Variants in CERS3 observed in about 807,000 individuals in gnomAD.
The protein encoded by CERS3 is LAG1 homolog, ceramide synthase 3.
A neutral mutation model predicts 50.3 loss-of-function variants in CERS3; 33 were observed. That is an observed-to-expected ratio of 0.66 (90% CI 0.50 to 0.88). The LOEUF (loss-of-function observed/expected upper bound fraction) is 0.88. CERS3 is among the 40% of genes least tolerant of loss of function. The pLI, the probability that CERS3 is intolerant of heterozygous loss-of-function variation, is 0.00. For missense variants in CERS3, 470 were observed against 460.3 expected (o/e 1.02, Z -0.19); for synonymous variants, 176 against 155.2 (o/e 1.13, Z -0.99).
intron 3 of CERS3, among the ~76,000 whole-genome samples, chr15:100,491,693 G>T (rs552189144): frequency 6.6e-6 from 1 of 152,040 alleles, no homozygotes; most frequent in African/African-American, 2.4e-5. Context: ...AAATATAGGT[G>T]TTTGCAGCTG....
chr15:100,512,571 A>C (rs2036376382), intron 2 of CERS3, among the ~76,000 whole-genome samples: 2 of 152,080 alleles, frequency 1.3e-5, no homozygotes, highest in African/African-American at 2.4e-5. Context: ...GCCTGTGGGG[A>C]GCCTCTTCCT....
chr15:100,526,060 C>T (rs2142398454), intron 1 of CERS3, among the ~76,000 whole-genome samples: 1 of 152,342 alleles, frequency 6.6e-6, no homozygotes, highest in African/African-American at 2.4e-5. Context: ...CTGTGTTCCC[C>T]TCTGCTATCT....
At chr15:100,491,122 TA>T (rs138738369) in intron 3 of CERS3, among the ~76,000 whole-genome samples, 191 bp from the exon 4 acceptor site, 13 of 147,968 alleles carry the variant, frequency 8.8e-5, no homozygotes, top group East Asian at 5.9e-4. Context: ...AAGCAATGAT[TA>T]AAAAAAAAAC....
At chr15:100,405,233 T>TTA (rs1404050543) in intron 11 of CERS3, among the ~76,000 whole-genome samples, 2 of 34,940 alleles carry the variant, frequency 5.7e-5, no homozygotes, top group Admixed American at 2.4e-4. Flanking sequence ...AACTCAATGG[T>TTA]AAAAAAAAAA....
At chr15:100,532,358 G>A (rs1333022480), upstream of CERS3, among the ~76,000 whole-genome samples, 4 of 152,158 alleles carry the variant, frequency 2.6e-5, no homozygotes, top group East Asian at 1.9e-4. Flanking sequence ...TAACCTAACC[G>A]GCAAAATTTT....
At chr15:100,403,409 C>G (rs1308194644) in intron 11 of CERS3, among the ~76,000 whole-genome samples, 1 of 151,616 alleles carries the variant, frequency 6.6e-6, no homozygotes, top group African/African-American at 2.4e-5. Context: ...ATAATTAGGA[C>G]AAAACAATTA....
intron 11 of CERS3, among the ~76,000 whole-genome samples, chr15:100,448,007 C>G (rs960937002): frequency 6.6e-6 from 1 of 152,142 alleles, no homozygotes; most frequent in Non-Finnish European, 1.5e-5. Context: ...AGAAACAAAG[C>G]ATAGTAAAAT....
chr15:100,488,183 C>T (rs1472694776), intron 4 of CERS3, among the ~76,000 whole-genome samples: 2 of 152,134 alleles, frequency 1.3e-5, no homozygotes, highest in East Asian at 3.9e-4. Flanking sequence ...GTATTTTAGG[C>T]CTCATCAATA....
chr15:100,507,187 A>G (rs1340841707), intron 2 of CERS3, among the ~76,000 whole-genome samples: 4 of 152,206 alleles, frequency 2.6e-5, no homozygotes, highest in African/African-American at 9.6e-5. Flanking sequence ...ATGACTTTAA[A>G]TTTTATGACT....
intron 2 of CERS3, among the ~76,000 whole-genome samples, chr15:100,517,196 G>C (rs2036514435): frequency 6.6e-6 from 1 of 152,220 alleles, no homozygotes; most frequent in Non-Finnish European, 1.5e-5. Flanking sequence ...TCTAGATCAG[G>C]ATTAAATAAA....
chr15:100,484,515 G>A (rs1165802034), intron 5 of CERS3, 35 bp downstream of exon 5: 12 of 1,395,874 alleles, frequency 8.6e-6, no homozygotes, highest in African/African-American at 1.4e-5. Flanking sequence ...CAGATAGGAC[G>A]GCAGCATTCC....
chr15:100,514,181 A>G (rs538704824), intron 2 of CERS3, among the ~76,000 whole-genome samples: 4 of 152,352 alleles, frequency 2.6e-5, no homozygotes, highest in African/African-American at 9.6e-5. Flanking sequence ...TAGAATGAGT[A>G]AGTGGGTAAA....
chr15:100,497,276 G>C (rs553187918), intron 3 of CERS3, among the ~76,000 whole-genome samples: 4 of 151,910 alleles, frequency 2.6e-5, no homozygotes, highest in Admixed American at 2.6e-4. Flanking sequence ...GAGACAGAGA[G>C]ACACACACAG....
intron 11 of CERS3, among the ~76,000 whole-genome samples, chr15:100,430,466 A>G (rs986286660): frequency 2.0e-5 from 3 of 152,228 alleles, no homozygotes; most frequent in Admixed American, 1.3e-4. Flanking sequence ...TCTGGGAATG[A>G]CATCTGTACT....
chr15:100,488,150 T>G (rs1160996022), intron 4 of CERS3, among the ~76,000 whole-genome samples: 1 of 152,146 alleles, frequency 6.6e-6, no homozygotes, highest in Admixed American at 6.5e-5. Flanking sequence ...AGACCAAAAC[T>G]CTCACTGAGG....
intron 11 of CERS3, among the ~76,000 whole-genome samples, chr15:100,424,391 T>C (rs896445095): frequency 1.3e-5 from 2 of 152,150 alleles, no homozygotes; most frequent in Admixed American, 1.3e-4. Flanking sequence ...GCTCAGAAGA[T>C]GACAGGAAAG....
Position 100,433,175 on chromosome 15 carries a change from G to T in CERS3, c.999+22718C>A, listed in dbSNP as rs191408252. Reference sequence around the variant, plus strand: ...CGCTTGAACCCAGGAGGCTGAGGTTGCAGCGAGCTGAGATCGCACTGCTGC... The same window carrying T: ...CGCTTGAACCCAGGAGGCTGAGGTTTCAGCGAGCTGAGATCGCACTGCTGC... On this transcript the variant is annotated intron_variant, in intron 11 of 11. Coordinates refer to ENST00000679737, the MANE Select transcript of CERS3 (RefSeq NM_001378789.1). Among the ~76,000 whole-genome samples, 19 of 151,694 alleles carry T rather than the reference G, an allele frequency of 1.3e-4. No individual in the cohort carries two copies. In the East Asian group the frequency reaches 3.3e-3, roughly 26 times the overall value.
chr15:100,472,519 T>C (rs984296522), intron 9 of CERS3, among the ~76,000 whole-genome samples: 22 of 152,016 alleles, frequency 1.4e-4, no homozygotes, highest in African/African-American at 4.8e-4. Context: ...TGGGGGAGTG[T>C]GAACATTCAA....
intron 7 of CERS3, 53 bp downstream of exon 7, chr15:100,479,375 T>G: frequency 7.5e-7 from 1 of 1,341,458 alleles, no homozygotes; most frequent in Non-Finnish European, 1.0e-6. Context: ...AGGAGATAAT[T>G]TGAGGGATCT....
Sources: gnomAD v4.1 joint callset for allele counts (sites outside exome capture counted in the v4.1 genomes callset) on GRCh38, gnomAD v4.1.1 for gene constraint, MANE v1.5 for transcripts, NCBI Gene and HGNC (gene_info 2026-07-23, HGNC 2026-07-21) for gene names.